The following SLC30A7 variants were observed in gnomAD, a reference collection of about 807,000 sequenced individuals.
SLC30A7 encodes solute carrier family 30 member 7.
In SLC30A7, 35 loss-of-function variants were observed where a neutral mutation model predicts 46.0. The ratio of observed to expected loss-of-function variants is 0.76; its 90% CI spans 0.58 to 1.01. The LOEUF is 1.01. Ranked by LOEUF, SLC30A7 falls within the 50% of genes least tolerant of loss-of-function variation. SLC30A7 has a pLI of 0.00. For synonymous variants in SLC30A7, 147 were observed against 157.8 expected (o/e 0.93, Z 0.51); for missense variants, 464 against 451.1 (o/e 1.03, Z -0.26).
intron 10 of SLC30A7, 117 bp from the exon 11 acceptor site, chr1:100,974,693 A>G (rs1417316995): frequency 4.4e-6 from 3 of 683,066 alleles, no homozygotes; most frequent in Non-Finnish European, 6.8e-6. Flanking sequence ...TTCTGAAATG[A>G]TTCTTTTCTT....
chr1:100,945,905 C>T (rs1269449406), intron 8 of SLC30A7, among the ~76,000 whole-genome samples: 1 of 152,222 alleles, frequency 6.6e-6, no homozygotes, highest in East Asian at 1.9e-4. Flanking sequence ...GATATTGATT[C>T]TTCCTATCCA....
At chr1:100,905,660 C>A (rs1651612273) in intron 2 of SLC30A7, among the ~76,000 whole-genome samples, 1 of 152,002 alleles carries the variant, frequency 6.6e-6, no homozygotes, top group South Asian at 2.1e-4. Context: ...CTAACTGATT[C>A]TTTCTCTCTG....
chr1:100,919,830 A>G (rs1652827834), intron 7 of SLC30A7, among the ~76,000 whole-genome samples: 1 of 152,130 alleles, frequency 6.6e-6, no homozygotes, highest in Non-Finnish European at 1.5e-5. Flanking sequence ...TAAAATGACC[A>G]GGTAGATAGA....
At chr1:100,942,965 G>C (rs1654439224) in intron 8 of SLC30A7, among the ~76,000 whole-genome samples, 1 of 152,220 alleles carries the variant, frequency 6.6e-6, no homozygotes, top group Non-Finnish European at 1.5e-5. Flanking sequence ...AGTGGTTACA[G>C]TTCCCTGTTA....
At chr1:100,904,680 T>C (rs1158613807) in intron 2 of SLC30A7, among the ~76,000 whole-genome samples, 4 of 152,196 alleles carry the variant, frequency 2.6e-5, no homozygotes, top group African/African-American at 7.2e-5. Flanking sequence ...TGGTTGGACT[T>C]TGTGCTTTTA....
At chr1:100,991,231 GTTAAAA>G in the SLC30A7 span, among the ~76,000 whole-genome samples, 1 of 152,146 alleles carries the variant, frequency 6.6e-6, no homozygotes, top group Non-Finnish European at 1.5e-5. Context: ...ATGTTTTTCA[GTTAAAA>G]ACAGCCAGCC....
At chr1:100,925,043 G>T (rs1450614437) in intron 8 of SLC30A7, among the ~76,000 whole-genome samples, 2 of 152,226 alleles carry the variant, frequency 1.3e-5, no homozygotes, top group African/African-American at 4.8e-5. Flanking sequence ...TATTTGTATT[G>T]TGTGGATTTA....
At chr1:100,972,391 G>T (rs1008913893) in intron 10 of SLC30A7, 6 of 187,736 alleles carry the variant, frequency 3.2e-5, no homozygotes, top group Non-Finnish European at 6.0e-5. Flanking sequence ...CTGAGCTTTT[G>T]TGGAAAGCTG....
chr1:100,908,647 G>A (rs1651859091), intron 3 of SLC30A7, among the ~76,000 whole-genome samples: 2 of 152,042 alleles, frequency 1.3e-5, no homozygotes, highest in Admixed American at 1.3e-4. Context: ...GCTTTTTATG[G>A]CATGATATTG....
rs191492486 is a variant in SLC30A7 at position 100,979,249 on chromosome 1, C to T, written c.*4392C>T. The T allele has an allele frequency of 1.2e-3, 180 of 151,048 alleles. 1 individual carries two copies. Among genetic ancestry groups the T allele is most frequent in the African/African-American group, 4.2e-3 (175 of 41,236 alleles). 9.4% of individuals were successfully genotyped at this position (151,048 alleles called of 1,614,324 possible). A position where few individuals can be genotyped will look rare whatever the true frequency, so the allele number is the denominator to read the frequency against. ...ACTTTTTTTTTCCTTTCATCACCGT[C>T]TTTGAAACAAATTATTTTCCAATTC... On this transcript the variant is annotated 3_prime_UTR_variant, in exon 11 of 11. Transcript: ENST00000357650.
chr1:100,993,563 T>TAA, the SLC30A7 span, among the ~76,000 whole-genome samples: 12 of 65,182 alleles, frequency 1.8e-4, no homozygotes, highest in African/African-American at 5.5e-4. Context: ...AATATAAATA[T>TAA]ATATATATAT....
intron 8 of SLC30A7, among the ~76,000 whole-genome samples, chr1:100,936,870 T>C (rs1653991402): frequency 6.6e-6 from 1 of 152,208 alleles, no homozygotes; most frequent in Admixed American, 6.5e-5. Context: ...TGTGACTAGT[T>C]TATTTCACTT....
At position 100,979,989 on chromosome 1, in the gene SLC30A7, A is replaced by G. The variant is rs1014307276; in HGVS notation, c.*5132A>G. On this transcript the variant is annotated 3_prime_UTR_variant, in exon 11 of 11. Coordinates refer to ENST00000357650, the MANE Select transcript of SLC30A7 (RefSeq NM_133496.5). ...CAGTCATTATACATTATTTAGACTC[A>G]TTCCTTCTTCCAGTGCCCTTATGAT... The G allele has an allele frequency of 5.9e-5, 9 of 152,262 alleles. No individual in the cohort carries two copies. The highest frequency in any genetic ancestry group is 3.4e-3 in the Middle Eastern group (1 of 294). The allele number at this position is 152,262 out of a possible 1,614,324, so 9.4% of individuals were successfully genotyped here.
At chr1:100,924,507 T>C (rs1653155327) in intron 8 of SLC30A7, among the ~76,000 whole-genome samples, 1 of 152,172 alleles carries the variant, frequency 6.6e-6, no homozygotes, top group Non-Finnish European at 1.5e-5. Flanking sequence ...TTCCTGATTC[T>C]CTACCTCCCA....
intron 2 of SLC30A7, among the ~76,000 whole-genome samples, chr1:100,903,110 GA>G: frequency 6.6e-6 from 1 of 152,060 alleles, no homozygotes; most frequent in Non-Finnish European, 1.5e-5. Flanking sequence ...ACCTAGGGAG[GA>G]AAAAATTAAT....
In SLC30A7 at chr1:100,909,667, TAAACTC is replaced by T. The variant is rs141658896; in HGVS notation, c.297-1393_297-1388del. Among the ~76,000 whole-genome samples, 366 of 152,234 alleles carry T rather than the reference TAAACTC, an allele frequency of 2.4e-3. 5 individuals carry two copies. The highest frequency in any genetic ancestry group is 0.014 in the East Asian group (73 of 5,182). ...ACAACCAAGTTTAACAAATATATCT[TAAACTC>T]AAGCTAATTAAATCACTCCAACATT... is the stretch of plus-strand genomic sequence containing the variant. On this transcript the variant is annotated intron_variant, in intron 3 of 10. Transcript: ENST00000357650.
chr1:100,934,429 G>T (rs1208328884), intron 8 of SLC30A7, among the ~76,000 whole-genome samples: 4 of 152,046 alleles, frequency 2.6e-5, no homozygotes, highest in Admixed American at 6.6e-5. Context: ...GGCCATTTAG[G>T]TTATGAACTA....
chr1:100,969,405 T>C (rs1208079698), intron 10 of SLC30A7, among the ~76,000 whole-genome samples: 1 of 152,208 alleles, frequency 6.6e-6, no homozygotes, highest in East Asian at 1.9e-4. Context: ...TGTTGAATTC[T>C]AGGACACTCC....
the SLC30A7 span, chr1:100,990,154 T>TC: frequency 1.2e-4 from 57 of 467,768 alleles, 2 homozygotes; most frequent in Admixed American, 2.1e-3. Flanking sequence ...AGGCACCTCT[T>TC]CACAGGGCGG....
Sources: gnomAD v4.1 joint callset for allele counts (sites outside exome capture counted in the v4.1 genomes callset) on GRCh38, gnomAD v4.1.1 for gene constraint, MANE v1.5 for transcripts, NCBI Gene and HGNC (gene_info 2026-07-23, HGNC 2026-07-21) for gene names.